Variants in SPTAN1 observed in about 807,000 individuals in gnomAD.
SPTAN1 encodes the protein spectrin alpha, non-erythrocytic 1.
Under a neutral mutation model 331.3 loss-of-function variants are expected in SPTAN1, and 61 were observed. The observed-to-expected ratio is 0.18, with a 90% CI of 0.15 to 0.23. The LOEUF (loss-of-function observed/expected upper bound fraction) is 0.23. Ranked by LOEUF, SPTAN1 falls within the 10% of genes least tolerant of loss-of-function variation. The pLI, the probability that SPTAN1 is intolerant of heterozygous loss-of-function variation, is 1.00. For missense variants in SPTAN1, 2,043 were observed against 3,147.9 expected, an observed-to-expected ratio of 0.65 and a Z score of 8.40; for synonymous variants, 1,153 against 1,173.9, an observed-to-expected ratio of 0.98 and a Z score of 0.36.
intron 48 of SPTAN1, 185 bp from the exon 49 acceptor site, chr9:128,626,206 G>A: frequency 1.1e-6 from 1 of 949,710 alleles, no homozygotes; most frequent in Non-Finnish European, 1.6e-6. Context: ...GCAAAGGGTA[G>A]GAAGGGGAAA....
intron 1 of SPTAN1, among the ~76,000 whole-genome samples, chr9:128,561,176 G>C (rs1286268463): frequency 6.8e-6 from 1 of 147,848 alleles, no homozygotes; most frequent in Non-Finnish European, 1.5e-5. Flanking sequence ...GATCATCCTG[G>C]CCAACATAGT....
chr9:128,555,452 G>T, intron 1 of SPTAN1: 2 of 1,258,114 alleles, frequency 1.6e-6, no homozygotes, highest in Non-Finnish European at 2.1e-6. Context: ...TGCCTGGCTT[G>T]CAGTGAAGGC....
At chr9:128,578,558 C>T (rs920038235) in intron 9 of SPTAN1, among the ~76,000 whole-genome samples, 3 of 152,098 alleles carry the variant, frequency 2.0e-5, no homozygotes, top group Admixed American at 6.6e-5. Context: ...GGGCCAGGCA[C>T]GGTGGCTTAT....
At chr9:128,613,866 G>A (rs1309187117) in intron 40 of SPTAN1, among the ~76,000 whole-genome samples, 2 of 152,058 alleles carry the variant, frequency 1.3e-5, no homozygotes, top group South Asian at 2.1e-4. Flanking sequence ...TTAGCCGGGC[G>A]TGGTGGTGGC....
At position 128,584,490 on chromosome 9, in the gene SPTAN1, G is replaced by A. The variant is rs774283264; in HGVS notation, c.2402G>A (p.Arg801Gln). The change falls in exon 17 of 57, where the codon CGA (arginine) becomes CAA (glutamine). Residue 801 changes from arginine to glutamine, a missense_variant. Physicochemically the swap from Arg to Gln is conservative, Grantham distance 43. Around this residue, in one of 12 missense-constraint regions of SPTAN1, gnomAD observed 1,038 missense variants for 1,531.5 expected, o/e 0.68. Coordinates refer to ENST00000372739, the MANE Select transcript of SPTAN1 (RefSeq NM_001130438.3). The stretch of plus-strand genomic sequence containing the variant: ...GTTGAGGATGAGGAGACGTGGATTC[G>A]AGAGAAAGAGCCCATTGCCGCATCT... Reference protein sequence around the residue: ...RDVEDEETWIREKEPIAASTN... With the variant: ...RDVEDEETWIQEKEPIAASTN... 15 of 1,614,148 alleles carry A rather than the reference G, an allele frequency of 9.3e-6. No homozygotes were observed. Among genetic ancestry groups the A allele is most frequent in the Non-Finnish European group, 1.2e-5 (14 of 1,180,032 alleles).
chr9:128,588,734 T>C (rs1016830314), intron 20 of SPTAN1, 75 bp from the exon 21 acceptor site: 7 of 1,601,272 alleles, frequency 4.4e-6, no homozygotes, highest in Non-Finnish European at 2.6e-6. Flanking sequence ...CTGGTGGCAT[T>C]TGAATCTGCT....
intron 1 of SPTAN1, among the ~76,000 whole-genome samples, chr9:128,560,412 G>T (rs1339132824): frequency 1.4e-5 from 2 of 146,350 alleles, no homozygotes; most frequent in Non-Finnish European, 3.0e-5. Flanking sequence ...ACGGAGTCTA[G>T]CTCTGTCACC....
chr9:128,581,108 G>C (rs1471148443), intron 11 of SPTAN1, 49 bp downstream of exon 11: 1 of 1,611,852 alleles, frequency 6.2e-7, no homozygotes, highest in Non-Finnish European at 8.5e-7. Context: ...AAGGGCCTGT[G>C]TTTTGCCTCC....
In SPTAN1 at chr9:128,592,266, T is replaced by C. The variant is rs116909110; in HGVS notation, c.3155+641T>C. Among the ~76,000 whole-genome samples, 428 of 123,920 alleles carry C rather than the reference T, an allele frequency of 3.5e-3. 10 individuals carry two copies. The East Asian group carries it at 0.053, about 15-fold the overall frequency. 81.3% of individuals were successfully genotyped at this position (123,920 alleles called of 152,430 possible). A position where few individuals can be genotyped will look rare whatever the true frequency, so the allele number is the denominator to read the frequency against. ...CTATAGAGATAAGAATGGGAGGTTT[T>C]GGTTTGTGTTCTTTTTTTTTTTTTT... On this transcript the variant is annotated intron_variant, in intron 22 of 56. Coordinates refer to ENST00000372739, the MANE Select transcript of SPTAN1 (RefSeq NM_001130438.3).
At position 128,632,660 on chromosome 9, in the gene SPTAN1, G is replaced by C. The variant is rs796053329; in HGVS notation, c.7102G>C (p.Glu2368Gln). 2.5e-6 allele frequency: 4 copies of C among 1,614,066 alleles called. No homozygotes were observed. Among genetic ancestry groups the C allele is most frequent in the Non-Finnish European group, 3.4e-6 (4 of 1,180,036 alleles). ...CCTGGGCTATGACCTGCCCATGGTG[G>C]AGGAAGGGGAACCTGACCCTGAGTT... Reference protein sequence around the residue: ...RSLGYDLPMVEEGEPDPEFEA... With the variant: ...RSLGYDLPMVQEGEPDPEFEA... Residue 2368 changes from glutamate to glutamine, a missense_variant, in exon 55 of 57, where the codon GAG becomes CAG. Glu to Gln is a conservative substitution (Grantham distance 29). Coordinates refer to ENST00000372739, the MANE Select transcript of SPTAN1 (RefSeq NM_001130438.3).
At chr9:128,600,246 T>A in intron 27 of SPTAN1, 131 bp downstream of exon 27, 1 of 1,003,132 alleles carries the variant, frequency 1.0e-6, no homozygotes, top group African/African-American at 1.6e-5. Context: ...TTGGGCTGGT[T>A]TCTTTCTGAA....
chr9:128,577,063 C>A lies in SPTAN1; in HGVS notation c.786-66C>A, dbSNP rs1043693670. The A allele has an allele frequency of 2.1e-5, 34 of 1,613,816 alleles. No homozygotes were observed. Among genetic ancestry groups the A allele is most frequent in the Non-Finnish European group, 2.5e-5 (30 of 1,179,982 alleles). The stretch of plus-strand genomic sequence containing the variant: ...GTCGAGGCTGACTAGGCCTTGGTCC[C>A]ATGGGGTGTTCCTAGTTCTAGGGAG... On this transcript the variant is annotated intron_variant, in intron 6 of 56. Transcript: ENST00000372739. The surrounding 1 kb of genome is among the most constrained non-coding windows in gnomAD (Gnocchi z 4.2).
rs1385139032 is a variant in SPTAN1, at chr9:128,609,633, T to C, written c.4759-18T>C. 1 of 1,523,858 alleles carries C rather than the reference T, an allele frequency of 6.6e-7. No individual in the cohort carries two copies. The allele number at this position is 1,523,858 out of a possible 1,614,324, so 94.4% of individuals were successfully genotyped here. ...CATCAGTGTACTGAACTCTTGTTCT[T>C]TTAATCTGTTTTTGTAGCTTTCCAA... On this transcript the variant is annotated intron_variant, in intron 36 of 56. Transcript: ENST00000372739.
chr9:128,633,101 T>C (rs1198293379), intron 56 of SPTAN1, 108 bp from the exon 57 acceptor site: 2 of 1,593,218 alleles, frequency 1.3e-6, no homozygotes, highest in Non-Finnish European at 1.7e-6. Context: ...AAGTCCCGGA[T>C]CTGCTTGTAG....
Position 128,633,397 on chromosome 9 carries a change from C to T in SPTAN1, c.*63C>T. On this transcript the variant is annotated 3_prime_UTR_variant, in exon 57 of 57. Transcript: ENST00000372739. ...TGCGTCGCCTTGCTGCATGTCCGCT[C>T]CTCTGTGTGCTCTCACTTTCCACTG... 4 of 1,609,752 alleles carry T rather than the reference C, an allele frequency of 2.5e-6. No homozygotes were observed. The South Asian group carries it at 3.3e-5, about 13-fold the overall frequency.
Position 128,608,188 on chromosome 9 carries a change from T to C in SPTAN1, c.4403T>C (p.Leu1468Ser). ...TGGATGGCTGCCCGGGAGGCCTTCTTGAATACCGAAGACAAAGGAGACTCA... is the reference window on the plus strand; with the variant it reads ...TGGATGGCTGCCCGGGAGGCCTTCTCGAATACCGAAGACAAAGGAGACTCA... ...ENWMAAREAF[L>S]NTEDKGDSLD... The change falls in exon 34 of 57, where the codon TTG becomes TCG. Residue 1468 changes from leucine to serine, a missense_variant. Leu to Ser is a moderately radical substitution (Grantham distance 145). Coordinates refer to ENST00000372739, the MANE Select transcript of SPTAN1 (RefSeq NM_001130438.3). 6.2e-7 allele frequency: 1 copy of C among 1,614,128 alleles called. No homozygotes were observed. The highest frequency in any genetic ancestry group is 8.5e-7 in the Non-Finnish European group (1 of 1,180,036).
chr9:128,613,410 T>C lies in SPTAN1; in HGVS notation c.5073T>C (p.Tyr1691=). ...EVEALLASED[Y]GKDLASVNNL... is the part of the protein sequence containing the mutation. ...AGGCCCTGCTGGCATCCGAAGATTA[T>C]GGCAAAGACCTAGCTTCTGTGAACA... Residue 1691 remains tyrosine (Y), a synonymous_variant, in exon 40 of 57, where the codon TAT becomes TAC. Coordinates refer to ENST00000372739, the MANE Select transcript of SPTAN1 (RefSeq NM_001130438.3). 1 of 1,614,250 alleles carries C rather than the reference T, an allele frequency of 6.2e-7. No homozygotes were observed. Among genetic ancestry groups the C allele is most frequent in the Middle Eastern group, 1.6e-4 (1 of 6,062 alleles).
At chr9:128,588,530 C>T (rs963955493) in intron 20 of SPTAN1, among the ~76,000 whole-genome samples, 5 of 151,856 alleles carry the variant, frequency 3.3e-5, no homozygotes, top group Admixed American at 6.6e-5. Flanking sequence ...AGGCTGGTCT[C>T]GAACCCCCGA....
intron 1 of SPTAN1, among the ~76,000 whole-genome samples, chr9:128,561,521 G>A (rs1287860263): frequency 6.6e-6 from 1 of 150,976 alleles, no homozygotes; most frequent in Non-Finnish European, 1.5e-5. Flanking sequence ...AAATTAGCCG[G>A]GCGAGGTGGT....
Sources: gnomAD v4.1 joint callset for allele counts (sites outside exome capture counted in the v4.1 genomes callset) on GRCh38, gnomAD v4.1.1 for gene constraint, gnomAD v4.1.1 regional missense constraint, Gnocchi (gnomAD v3.1) non-coding constraint, MANE v1.5 for transcripts, NCBI Gene and HGNC (gene_info 2026-07-23, HGNC 2026-07-21) for gene names.